The following LZTS2 variants were observed in gnomAD, a reference collection of about 807,000 sequenced individuals.
The protein encoded by LZTS2 is leucine zipper tumor suppressor 2, also known as leucine zipper putative tumor suppressor 2.
In LZTS2, 32 loss-of-function variants were observed where a neutral mutation model predicts 60.6. The observed-to-expected ratio is 0.53, with a 90% CI of 0.40 to 0.71. The LOEUF is 0.71. Ranked by LOEUF, LZTS2 falls within the 30% of genes least tolerant of loss-of-function variation. The pLI, the probability that LZTS2 is intolerant of heterozygous loss-of-function variation, is 0.00. For synonymous variants in LZTS2, 360 were observed against 393.1 expected (o/e 0.92, Z 1.00); for missense variants, 792 against 901.9 (o/e 0.88, Z 1.56).
intron 2 of LZTS2, 96 bp from the exon 4 acceptor site, chr10:101,005,362 C>A (rs957695487): frequency 1.8e-5 from 25 of 1,374,796 alleles, no homozygotes; most frequent in Non-Finnish European, 2.4e-5. Context: ...ATGGAATCCA[C>A]CCTTCCTGAG....
At chr10:101,006,877 C>T in exon 4 of LZTS2, 1 of 1,531,020 alleles carries the variant, frequency 6.5e-7, no homozygotes, top group Non-Finnish European at 8.8e-7. Context: ...GCTTGCGGGC[C>T]CAGGTGGAGC....
intron 1 of LZTS2, 52 bp downstream of exon 2, chr10:101,002,998 G>T: frequency 6.5e-7 from 1 of 1,534,142 alleles, no homozygotes. Flanking sequence ...GTCCTCGCTT[G>T]GGAAACTGGA....
rs1403884830 is a variant in LZTS2, at chr10:101,005,734, G to A, written c.1326+19G>A. The stretch of plus-strand genomic sequence containing the variant: ...GTGGGAGGTGGGCCAGACCAGGAGG[G>A]GCAGGGAGCAGGGTCACACAGGGAG... On this transcript the variant is annotated intron_variant, in intron 3 of 3. Coordinates refer to ENST00000370220, the Ensembl canonical transcript of LZTS2. 1 of 1,538,350 alleles carries A rather than the reference G, an allele frequency of 6.5e-7. No homozygotes were observed. The highest frequency in any genetic ancestry group is 2.4e-5 in the East Asian group (1 of 41,126).
exon 2 of LZTS2, chr10:101,003,844 C>T (rs1387319806): frequency 6.2e-7 from 1 of 1,613,390 alleles, no homozygotes; most frequent in East Asian, 2.2e-5. Flanking sequence ...CACCTGCCTT[C>T]CCATGGCTCT....
At position 101,002,528 on chromosome 10, in the gene LZTS2, C is replaced by T. The variant is rs1215813439; in HGVS notation, c.-11C>T. 18 of 1,509,630 alleles carry T rather than the reference C, an allele frequency of 1.2e-5. No homozygotes were observed. In the African/African-American group the frequency reaches 2.4e-4, roughly 20 times the overall value. The allele number at this position is 1,509,630 out of a possible 1,614,324, so 93.5% of individuals were successfully genotyped here. A position where few individuals can be genotyped will look rare whatever the true frequency, so the allele number is the denominator to read the frequency against. On this transcript the variant is annotated 5_prime_UTR_variant, in exon 1 of 4. Transcript: ENST00000370220. ...TGCGAGGCCGCTGGCCAGGCCTGAGCCTCTGCCACCATGGCCATTGTGCAG... is the reference window on the plus strand; with the variant it reads ...TGCGAGGCCGCTGGCCAGGCCTGAGTCTCTGCCACCATGGCCATTGTGCAG...
At chr10:101,002,592 C>T in exon 1 of LZTS2, 1 of 1,550,502 alleles carries the variant, frequency 6.4e-7, no homozygotes, top group Non-Finnish European at 8.7e-7. Context: ...CTGAAGCTGC[C>T]ACTGCCCCAC....
At chr10:101,007,166 T>G (rs1209494272) in exon 4 of LZTS2, 2 of 1,566,944 alleles carry the variant, frequency 1.3e-6, no homozygotes, top group African/African-American at 1.4e-5. Flanking sequence ...TACTGAGATC[T>G]AGGGCCCTCA....
exon 4 of LZTS2, chr10:101,007,773 C>A: frequency 1.9e-6 from 1 of 519,084 alleles, no homozygotes; most frequent in Non-Finnish European, 2.5e-6. Context: ...ATATTTTTCA[C>A]ACTGTAAATT....
exon 4 of LZTS2, chr10:101,007,262 C>T: frequency 5.6e-6 from 8 of 1,432,084 alleles, no homozygotes; most frequent in Non-Finnish European, 7.3e-6. Flanking sequence ...GCCCCAAAGG[C>T]TGAGGGCCCC....
Position 101,002,461 on chromosome 10 carries a change from G to A in LZTS2, c.-78G>A. 6.3e-6 allele frequency: 9 copies of A among 1,428,820 alleles called. No homozygotes were observed. In the South Asian group the frequency reaches 1.2e-4, roughly 19 times the overall value. 88.5% of individuals were successfully genotyped at this position (1,428,820 alleles called of 1,614,324 possible). A position where few individuals can be genotyped will look rare whatever the true frequency, so the allele number is the denominator to read the frequency against. On this transcript the variant is annotated 5_prime_UTR_variant, in exon 1 of 4. Transcript: ENST00000370220. ...ATCAGTGGGTCAGGAGGGGTCTCAA[G>A]GTGGAGGGACTCTGACACCACTGCC...
At chr10:101,007,309 T>G in exon 4 of LZTS2, 1 of 1,420,334 alleles carries the variant, frequency 7.0e-7, no homozygotes, top group Non-Finnish European at 9.2e-7. Flanking sequence ...GCCTCTGGGC[T>G]TCTGCCAAGA....
upstream of LZTS2, among the ~76,000 whole-genome samples, chr10:100,999,232 T>TA (rs201699866): frequency 6.6e-6 from 1 of 152,054 alleles, no homozygotes; most frequent in East Asian, 1.9e-4. Context: ...GGCCCGCGTG[T>TA]TGGGGGCGGC....
chr10:101,003,729 G>A (rs1486749804), exon 2 of LZTS2: 1 of 1,612,976 alleles, frequency 6.2e-7, no homozygotes, highest in South Asian at 1.1e-5. Flanking sequence ...CTGGGCCAGT[G>A]GCTGCCCATC....
At chr10:101,003,085 A>C in intron 1 of LZTS2, 139 bp downstream of exon 2, 2 of 1,101,774 alleles carry the variant, frequency 1.8e-6, no homozygotes, top group Non-Finnish European at 2.5e-6. Flanking sequence ...GCTCTCTCTC[A>C]TTCTGGATGT....
chr10:101,003,715 G>C (rs1564816908), exon 2 of LZTS2: 6 of 1,613,138 alleles, frequency 3.7e-6, no homozygotes, highest in Non-Finnish European at 5.1e-6. Flanking sequence ...CTGGCATTTA[G>C]TGGCTGGGCC....
rs114654173 is a variant in LZTS2, at chr10:101,002,114, A to G, written c.-425A>G. 1,042 of 160,406 alleles carry G rather than the reference A, an allele frequency of 6.5e-3. 15 individuals are homozygous for G. Among genetic ancestry groups the G allele is most frequent in the African/African-American group, 0.023 (969 of 41,952 alleles). 9.9% of individuals were successfully genotyped at this position (160,406 alleles called of 1,614,324 possible). A position where few individuals can be genotyped will look rare whatever the true frequency, so the allele number is the denominator to read the frequency against. ...GCCCAAACTGCCCTGTAATGAGGCC[A>G]CCTGGCTGAGAGGACCAGGGACCTG... On this transcript the variant is annotated 5_prime_UTR_variant, in exon 1 of 4. Transcript: ENST00000370220.
intron 2 of LZTS2, among the ~76,000 whole-genome samples, chr10:101,004,382 G>C (rs992281455): frequency 6.6e-6 from 1 of 152,148 alleles, no homozygotes. Flanking sequence ...CGAGGTGGGC[G>C]GATTGCTTGA....
exon 1 of LZTS2, chr10:101,002,735 G>T: frequency 6.2e-7 from 1 of 1,612,974 alleles, no homozygotes; most frequent in Non-Finnish European, 8.5e-7. Context: ...CTACGGGGTG[G>T]CTATGAGGCA....
At chr10:101,006,892 G>T in exon 4 of LZTS2, 1 of 1,533,330 alleles carries the variant, frequency 6.5e-7, no homozygotes, top group South Asian at 1.2e-5. Flanking sequence ...TGGAGCGATT[G>T]CGGGTGGAGC....
Sources: gnomAD v4.1 joint callset for allele counts (sites outside exome capture counted in the v4.1 genomes callset) on GRCh38, gnomAD v4.1.1 for gene constraint, MANE v1.5 for transcripts, NCBI Gene and HGNC (gene_info 2026-07-23, HGNC 2026-07-21) for gene names.